The following TSGA10 variants were observed in gnomAD, a reference collection of about 807,000 sequenced individuals.
TSGA10 encodes the protein testis-specific gene 10 protein.
In TSGA10, 43 loss-of-function variants were observed where a neutral mutation model predicts 96.6. The observed-to-expected ratio is 0.44, with a 90% CI of 0.35 to 0.57. The LOEUF (loss-of-function observed/expected upper bound fraction) is 0.57. Among genes scored for constraint, TSGA10 ranks in the 20% least tolerant of loss-of-function variants. The pLI is 0.01. For synonymous variants in TSGA10, 229 were observed against 269.9 expected (o/e 0.85, Z 1.48); for missense variants, 703 against 834.4 (o/e 0.84, Z 1.94).
intron 20 of TSGA10, among the ~76,000 whole-genome samples, chr2:99,009,304 G>C (rs2078789050): frequency 5.3e-5 from 8 of 152,044 alleles, no homozygotes; most frequent in Admixed American, 5.2e-4. Flanking sequence ...TAGCATACAG[G>C]CCTAAGAAGG....
chr2:99,024,369 T>G (rs1208884700), intron 17 of TSGA10, among the ~76,000 whole-genome samples: 1 of 152,188 alleles, frequency 6.6e-6, no homozygotes, highest in East Asian at 1.9e-4. Context: ...ATTACAGGCA[T>G]AAGCCACCGC....
At chr2:99,149,740 C>CCGAT (rs941542122) in intron 1 of TSGA10, among the ~76,000 whole-genome samples, 32 of 149,334 alleles carry the variant, frequency 2.1e-4, no homozygotes, top group Non-Finnish European at 7.4e-5. Context: ...CTGCGCTCGG[C>CCGAT]CGATCATCTC....
chr2:99,043,176 A>AT (rs34389363), intron 16 of TSGA10, among the ~76,000 whole-genome samples: 65,732 of 151,730 alleles, frequency 0.43, 16,893 homozygotes, highest in African/African-American at 0.72. Context: ...ATTATAAAAA[A>AT]ATATATAAAT....
rs1207769001 is a variant in TSGA10 at position 99,127,180 on chromosome 2, G to C, written c.-620-4C>G. ...AATCATATTCTTTGGTGGTAACCTA[G>C]TACAAAGAATGGGAAATAATACAGA... On this transcript the variant is annotated splice_region_variant and splice_polypyrimidine_tract_variant and intron_variant, in intron 1 of 20. Transcript: ENST00000393483. 7.8e-7 allele frequency: 1 copy of C among 1,278,076 alleles called. No homozygotes were observed. The highest frequency in any genetic ancestry group is 1.5e-5 in the African/African-American group (1 of 65,108). The allele number at this position is 1,278,076 out of a possible 1,614,324, so 79.2% of individuals were successfully genotyped here. A position where few individuals can be genotyped will look rare whatever the true frequency, so the allele number is the denominator to read the frequency against.
At chr2:99,133,956 G>A (rs1215209436) in intron 1 of TSGA10, among the ~76,000 whole-genome samples, 1 of 152,222 alleles carries the variant, frequency 6.6e-6, no homozygotes, top group African/African-American at 2.4e-5. Flanking sequence ...GAGACCCAAT[G>A]TTAGTCTGAT....
chr2:99,043,632 G>C (rs868862492), intron 16 of TSGA10, among the ~76,000 whole-genome samples: 4 of 152,152 alleles, frequency 2.6e-5, no homozygotes, highest in Admixed American at 6.6e-5. Flanking sequence ...AAAGCAGCAA[G>C]GGAAAAATGG....
intron 1 of TSGA10, among the ~76,000 whole-genome samples, chr2:99,127,859 G>C (rs1344872649): frequency 6.6e-6 from 1 of 152,220 alleles, no homozygotes; most frequent in Middle Eastern, 3.4e-3. Context: ...AATGCACATA[G>C]CTTCTGTTCA....
chr2:99,006,309 A>G (rs1481735238), intron 20 of TSGA10, among the ~76,000 whole-genome samples: 2 of 152,076 alleles, frequency 1.3e-5, no homozygotes, highest in Non-Finnish European at 2.9e-5. Flanking sequence ...TAATTAAACT[A>G]AAGAGCTTCT....
intron 20 of TSGA10, among the ~76,000 whole-genome samples, chr2:99,013,023 T>C (rs1378254321): frequency 6.6e-6 from 1 of 152,202 alleles, no homozygotes; most frequent in Non-Finnish European, 1.5e-5. Context: ...CTCATTTTCA[T>C]TGAGTTCTGC....
Position 99,118,684 on chromosome 2 carries a change from T to C in TSGA10, c.-489A>G, listed in dbSNP as rs1032190030. 1 of 984,422 alleles carries C rather than the reference T, an allele frequency of 1.0e-6. No homozygotes were observed. The highest frequency in any genetic ancestry group is 1.8e-5 in the African/African-American group (1 of 57,088). 61.0% of individuals were successfully genotyped at this position (984,422 alleles called of 1,614,324 possible). ...CTTTTCTATCACAAAGGTATCCAAA[T>C]GCCTTTAAAGGAAAAAAAAAATTAG... is the stretch of plus-strand genomic sequence containing the variant. On this transcript the variant is annotated splice_region_variant and 5_prime_UTR_variant, in exon 3 of 21. Transcript: ENST00000393483.
At position 99,026,876 on chromosome 2, in the gene TSGA10, A is replaced by G. The variant is rs541810630; in HGVS notation, c.1615-6394T>C. ...AGCGGTCCCCAACCTTTTTGTCACCAGGAACTGGTTTCATGGAAGACAATT... is the reference window on the plus strand; with the variant it reads ...AGCGGTCCCCAACCTTTTTGTCACCGGGAACTGGTTTCATGGAAGACAATT... On this transcript the variant is annotated intron_variant, in intron 17 of 20. Coordinates refer to ENST00000393483, the MANE Select transcript of TSGA10 (RefSeq NM_025244.4). Among the ~76,000 whole-genome samples, 20 of 152,352 alleles carry G rather than the reference A, an allele frequency of 1.3e-4. 1 individual carries two copies. In the South Asian group the frequency reaches 3.7e-3, roughly 28 times the overall value.
At chr2:99,029,241 C>T (rs558241237) in intron 17 of TSGA10, among the ~76,000 whole-genome samples, 3 of 152,082 alleles carry the variant, frequency 2.0e-5, no homozygotes, top group Middle Eastern at 3.4e-3. Flanking sequence ...AGGAAATCAC[C>T]CATAACATAA....
At chr2:99,079,017 A>G (rs2087104055) in intron 11 of TSGA10, 1 of 399,480 alleles carries the variant, frequency 2.5e-6, no homozygotes, top group African/African-American at 2.1e-5. Context: ...TGATGCATAA[A>G]CACAAAAGCA....
At chr2:99,069,510 A>AT (rs1310627935) in intron 14 of TSGA10, among the ~76,000 whole-genome samples, 7 of 151,944 alleles carry the variant, frequency 4.6e-5, no homozygotes, top group African/African-American at 1.7e-4. Flanking sequence ...GTCTATTTAC[A>AT]TTTTTTTAAT....
chr2:99,049,281 G>A (rs186491452), intron 16 of TSGA10, among the ~76,000 whole-genome samples: 3 of 152,252 alleles, frequency 2.0e-5, no homozygotes, highest in East Asian at 1.9e-4. Context: ...ACATGTGCAC[G>A]TATGTTTACT....
At chr2:99,009,368 G>A (rs1448967451) in intron 20 of TSGA10, among the ~76,000 whole-genome samples, 2 of 151,854 alleles carry the variant, frequency 1.3e-5, no homozygotes, top group Non-Finnish European at 1.5e-5. Context: ...TCAGGAGATC[G>A]AGACCATCCT....
chr2:99,048,981 G>A (rs1029312876), intron 16 of TSGA10, among the ~76,000 whole-genome samples: 5 of 152,156 alleles, frequency 3.3e-5, no homozygotes, highest in African/African-American at 1.2e-4. Context: ...ATGAAAAAAA[G>A]CTCATCATCA....
intron 16 of TSGA10, among the ~76,000 whole-genome samples, chr2:99,055,969 TGAG>T (rs1246272796): frequency 6.6e-5 from 10 of 151,160 alleles, no homozygotes; most frequent in Non-Finnish European, 1.3e-4. Flanking sequence ...TTTGGGAGGC[TGAG>T]GAGGGTGAAT....
chr2:99,021,115 G>T (rs187334279), intron 17 of TSGA10, among the ~76,000 whole-genome samples: 1 of 151,748 alleles, frequency 6.6e-6, no homozygotes, highest in African/African-American at 2.4e-5. Flanking sequence ...CTAGTATTTA[G>T]AAAACAATTA....
Sources: gnomAD v4.1 joint callset for allele counts (sites outside exome capture counted in the v4.1 genomes callset) on GRCh38, gnomAD v4.1.1 for gene constraint, MANE v1.5 for transcripts, NCBI Gene and HGNC (gene_info 2026-07-23, HGNC 2026-07-21) for gene names.